Variants in MYRIP observed in about 807,000 individuals in gnomAD.
The protein encoded by MYRIP is rab effector MyRIP.
A neutral mutation model predicts 98.0 loss-of-function variants in MYRIP; 49 were observed. The ratio of observed to expected loss-of-function variants is 0.50; its 90% CI spans 0.40 to 0.63. The LOEUF (loss-of-function observed/expected upper bound fraction) is 0.63, where lower values mean the gene tolerates loss of function less well. Among genes scored for constraint, MYRIP ranks in the 30% least tolerant of loss-of-function variants. The pLI is 0.00. For synonymous variants in MYRIP, 404 were observed against 409.5 expected (o/e 0.99, Z 0.16); for missense variants, 1,004 against 1,058.2 (o/e 0.95, Z 0.71).
intron 1 of MYRIP, among the ~76,000 whole-genome samples, chr3:39,821,986 G>T (rs1168640546): frequency 1.3e-5 from 2 of 151,996 alleles, no homozygotes; most frequent in Non-Finnish European, 2.9e-5. Context: ...TTTGCAGTTT[G>T]GTTAATCAGT....
intron 2 of MYRIP, among the ~76,000 whole-genome samples, chr3:40,042,343 T>C (rs1432069535): frequency 6.8e-6 from 1 of 147,504 alleles, no homozygotes; most frequent in Admixed American, 6.7e-5. Context: ...CAGGGGCTAA[T>C]TGACTATGTA....
intron 3 of MYRIP, among the ~76,000 whole-genome samples, chr3:40,144,825 G>A (rs898870741): frequency 1.3e-5 from 2 of 152,168 alleles, no homozygotes; most frequent in African/African-American, 2.4e-5. Context: ...AAATTGGAGA[G>A]AGAGAGTCTC....
intron 3 of MYRIP, among the ~76,000 whole-genome samples, chr3:40,081,993 G>A (rs148810041): frequency 7.2e-5 from 11 of 152,160 alleles, no homozygotes; most frequent in Non-Finnish European, 1.5e-4. Flanking sequence ...TGTTGCAAAT[G>A]ACAAAATTCC....
intron 2 of MYRIP, among the ~76,000 whole-genome samples, chr3:39,931,477 A>G (rs1330981148): frequency 6.6e-6 from 1 of 151,170 alleles, no homozygotes; most frequent in Non-Finnish European, 1.5e-5. Flanking sequence ...TTGCATAGAG[A>G]TAATTTTACT....
intron 2 of MYRIP, among the ~76,000 whole-genome samples, chr3:39,979,771 T>C (rs1025798841): frequency 6.6e-6 from 1 of 152,166 alleles, no homozygotes; most frequent in Non-Finnish European, 1.5e-5. Flanking sequence ...TCATGGCATT[T>C]AATAGGTGAT....
At chr3:40,192,504 G>A (rs1246014014) in intron 10 of MYRIP, among the ~76,000 whole-genome samples, 1 of 151,590 alleles carries the variant, frequency 6.6e-6, no homozygotes, top group Admixed American at 6.6e-5. Context: ...AGTGCATTTG[G>A]TGTGAATCCA....
intron 2 of MYRIP, among the ~76,000 whole-genome samples, chr3:39,925,441 G>A (rs920787530): frequency 6.6e-6 from 1 of 151,972 alleles, no homozygotes; most frequent in Non-Finnish European, 1.5e-5. Context: ...CCCAGGTAGT[G>A]AGCATAGTAC....
chr3:39,844,030 C>T (rs114668697), intron 1 of MYRIP, among the ~76,000 whole-genome samples: 1 of 152,170 alleles, frequency 6.6e-6, no homozygotes, highest in Non-Finnish European at 1.5e-5. Flanking sequence ...GTCATCTTGT[C>T]TACTTGATTA....
In MYRIP at chr3:40,252,064, C is replaced by G. The variant is rs1953393370; in HGVS notation, c.2547+65C>G. The stretch of plus-strand genomic sequence containing the variant: ...GTTGATGGTACCTCCACTCTGCAGC[C>G]TTTCCTTCTGTAGCTCCCGCATCAG... On this transcript the variant is annotated intron_variant, in intron 16 of 16. Coordinates refer to ENST00000302541, the MANE Select transcript of MYRIP (RefSeq NM_015460.4). 7 of 1,258,366 alleles carry G rather than the reference C, an allele frequency of 5.6e-6. No homozygotes were observed. The Admixed American group carries it at 9.5e-5, about 17-fold the overall frequency. The allele number at this position is 1,258,366 out of a possible 1,614,324, so 78.0% of individuals were successfully genotyped here.
At chr3:39,855,930 T>C (rs1262164668) in intron 1 of MYRIP, among the ~76,000 whole-genome samples, 2 of 152,180 alleles carry the variant, frequency 1.3e-5, no homozygotes, top group African/African-American at 4.8e-5. Flanking sequence ...GCTGCCTTCT[T>C]GAGGCCCCCT....
chr3:40,033,558 A>G (rs972645716), intron 2 of MYRIP, among the ~76,000 whole-genome samples: 7 of 152,332 alleles, frequency 4.6e-5, no homozygotes, highest in African/African-American at 1.7e-4. Context: ...CCACTGCTCA[A>G]TGAAATAAAA....
chr3:39,867,372 A>C (rs1406886494), intron 1 of MYRIP, among the ~76,000 whole-genome samples: 1 of 152,242 alleles, frequency 6.6e-6, no homozygotes, highest in East Asian at 1.9e-4. Flanking sequence ...GAACAAAGTG[A>C]AAACACATTC....
At position 39,999,047 on chromosome 3, in the gene MYRIP, A is replaced by C. The variant is rs1317737114; in HGVS notation, c.111-45003A>C. ...TAATTCAAGATGGATTAAAGACTTAAATGTAAGACCTAAAAACCATAAAAA... is the reference window on the plus strand; with the variant it reads ...TAATTCAAGATGGATTAAAGACTTACATGTAAGACCTAAAAACCATAAAAA... On this transcript the variant is annotated intron_variant, in intron 2 of 16. Transcript: ENST00000302541. 2.0e-5 allele frequency among the ~76,000 whole-genome samples: 3 copies of C among 152,218 alleles called. No individual in the cohort carries two copies. In the South Asian group the frequency reaches 6.2e-4, roughly 32 times the overall value.
At chr3:39,830,715 A>G (rs920916169) in intron 1 of MYRIP, among the ~76,000 whole-genome samples, 1 of 151,856 alleles carries the variant, frequency 6.6e-6, no homozygotes, top group African/African-American at 2.4e-5. Context: ...TCTCTCTACC[A>G]CATGTTTCTC....
At chr3:39,886,117 A>C (rs1427529722) in intron 1 of MYRIP, among the ~76,000 whole-genome samples, 5 of 151,516 alleles carry the variant, frequency 3.3e-5, no homozygotes, top group East Asian at 3.9e-4. Context: ...GAAATAAAAT[A>C]CTTTACAGAC....
rs13320054 is a variant in MYRIP at position 40,130,915 on chromosome 3, A to G, written c.333-20133A>G. On this transcript the variant is annotated intron_variant, in intron 3 of 16. Coordinates refer to ENST00000302541, the MANE Select transcript of MYRIP (RefSeq NM_015460.4). The stretch of plus-strand genomic sequence containing the variant: ...ACAACCCACTCATCCAAGCCCAGAA[A>G]CATCATTTCCTGTTACACTGTGAGC... Among the ~76,000 whole-genome samples, 1,445 of 152,206 alleles carry G rather than the reference A, an allele frequency of 9.5e-3. 28 individuals are homozygous for G. Among genetic ancestry groups the G allele is most frequent in the African/African-American group, 0.03 (1,255 of 41,520 alleles).
chr3:40,143,893 C>T (rs544127119), intron 3 of MYRIP, among the ~76,000 whole-genome samples: 39 of 152,344 alleles, frequency 2.6e-4, no homozygotes, highest in Non-Finnish European at 2.9e-4. Flanking sequence ...TTCCACCTCC[C>T]TGCAGCCCCA....
intron 1 of MYRIP, among the ~76,000 whole-genome samples, chr3:39,851,559 G>A (rs562007781): frequency 6.6e-6 from 1 of 152,282 alleles, no homozygotes; most frequent in South Asian, 2.1e-4. Flanking sequence ...CAGAAGTCAT[G>A]GAAGCTGTTC....
At chr3:40,158,170 C>T (rs556674444) in intron 4 of MYRIP, among the ~76,000 whole-genome samples, 23 of 152,066 alleles carry the variant, frequency 1.5e-4, no homozygotes, top group Admixed American at 7.2e-4. Flanking sequence ...GCTTTGAATG[C>T]GTCCCAGAGA....
Sources: allele counts gnomAD v4.1 joint callset (sites outside exome capture counted in the v4.1 genomes callset), GRCh38; gene constraint gnomAD v4.1.1; transcripts MANE v1.5; gene names NCBI Gene and HGNC (gene_info 2026-07-23, HGNC 2026-07-21).